ARHGAP26: variants seen among roughly 807,000 people sequenced by gnomAD.
ARHGAP26 encodes the protein rho GTPase-activating protein 26.
In ARHGAP26, 38 loss-of-function variants were observed where a neutral mutation model predicts 104.8. That is an observed-to-expected ratio of 0.36 (90% CI 0.28 to 0.48). The LOEUF (loss-of-function observed/expected upper bound fraction) is 0.48, where lower values mean the gene tolerates loss of function less well. ARHGAP26 is among the 20% of genes least tolerant of loss of function. The pLI, the probability that ARHGAP26 is intolerant of heterozygous loss-of-function variation, is 0.99. For synonymous variants in ARHGAP26, 341 were observed against 340.0 expected, an observed-to-expected ratio of 1.00 and a Z score of -0.03; for missense variants, 704 against 947.9, an observed-to-expected ratio of 0.74 and a Z score of 3.38.
intron 17 of ARHGAP26, among the ~76,000 whole-genome samples, chr5:143,097,365 A>G (rs1197240650): frequency 1.2e-4 from 17 of 147,550 alleles, no homozygotes; most frequent in Admixed American, 1.1e-3. Context: ...AAAAAGAAAA[A>G]AAAAAAAAAA....
chr5:143,179,106 C>T (rs1003095783), intron 20 of ARHGAP26, among the ~76,000 whole-genome samples: 12 of 152,124 alleles, frequency 7.9e-5, no homozygotes, highest in Non-Finnish European at 1.3e-4. Flanking sequence ...CTGACCTTAG[C>T]GATCCACCTG....
chr5:142,893,264 C>T (rs1285159700), intron 5 of ARHGAP26, among the ~76,000 whole-genome samples: 8 of 152,264 alleles, frequency 5.3e-5, no homozygotes, highest in South Asian at 2.1e-4. Context: ...GCATGAACCA[C>T]GGCACCTGAC....
intron 11 of ARHGAP26, among the ~76,000 whole-genome samples, chr5:142,991,264 T>C (rs245716): frequency 6.6e-6 from 1 of 152,158 alleles, no homozygotes; most frequent in Non-Finnish European, 1.5e-5. Flanking sequence ...CTCTGAGCCA[T>C]GTGCAGGATA....
chr5:143,206,027 C>G (rs1200551970), intron 20 of ARHGAP26, among the ~76,000 whole-genome samples: 2 of 152,172 alleles, frequency 1.3e-5, no homozygotes, highest in East Asian at 3.8e-4. Flanking sequence ...TGTTATTTGT[C>G]TATAGGTGTT....
chr5:142,812,215 A>G lies in ARHGAP26; in HGVS notation c.154+41300A>G, dbSNP rs76565435. ...GGATCTTTTTAACCCAGTTCTTTAC[A>G]GGAAAACTCACTGTAGCATGGTTGG... On this transcript the variant is annotated intron_variant, in intron 1 of 22. Transcript: ENST00000645722. Among the ~76,000 whole-genome samples the G allele has an allele frequency of 7.9e-5, 12 of 152,202 alleles. No individual in the cohort carries two copies. In the East Asian group the frequency reaches 2.3e-3, roughly 29 times the overall value.
At chr5:143,137,536 C>T (rs571633451) in intron 19 of ARHGAP26, among the ~76,000 whole-genome samples, 1 of 152,352 alleles carries the variant, frequency 6.6e-6, no homozygotes, top group African/African-American at 2.4e-5. Context: ...CCCATAGGCA[C>T]ATGCACATGC....
At chr5:143,150,019 A>T (rs1238683807) in intron 20 of ARHGAP26, among the ~76,000 whole-genome samples, 3 of 152,220 alleles carry the variant, frequency 2.0e-5, no homozygotes, top group Non-Finnish European at 2.9e-5. Context: ...TAATTCTCCA[A>T]GGACATCAGG....
chr5:142,822,689 CAATT>C (rs1399940128), intron 1 of ARHGAP26, among the ~76,000 whole-genome samples: 3 of 152,198 alleles, frequency 2.0e-5, no homozygotes, highest in South Asian at 2.1e-4. Context: ...ATTCATGTCA[CAATT>C]AAAGTCCATT....
intron 1 of ARHGAP26, among the ~76,000 whole-genome samples, chr5:142,784,063 A>G (rs1272203229): frequency 6.6e-6 from 1 of 152,204 alleles, no homozygotes; most frequent in Non-Finnish European, 1.5e-5. Context: ...TCTGCTGGCC[A>G]GGACTTGCCA....
intron 10 of ARHGAP26, among the ~76,000 whole-genome samples, chr5:142,914,289 C>G (rs1327099340): frequency 6.6e-6 from 1 of 152,228 alleles, no homozygotes; most frequent in Admixed American, 6.5e-5. Flanking sequence ...AGCGTGCCCC[C>G]TTAGCCTTTA....
At chr5:142,888,428 C>G (rs1387189241) in intron 5 of ARHGAP26, among the ~76,000 whole-genome samples, 1 of 152,200 alleles carries the variant, frequency 6.6e-6, no homozygotes, top group Non-Finnish European at 1.5e-5. Flanking sequence ...TATGAGGGAA[C>G]TGAGTTTCTC....
intron 1 of ARHGAP26, among the ~76,000 whole-genome samples, chr5:142,796,757 G>T (rs1761062033): frequency 2.0e-5 from 3 of 152,184 alleles, no homozygotes; most frequent in Admixed American, 1.3e-4. Context: ...AATCTGTTTT[G>T]ATTTTTTCTA....
rs1809968203 is a variant in ARHGAP26 at position 143,214,197 on chromosome 5, TGG to T, written c.2191+111_2191+112del. On this transcript the variant is annotated intron_variant, in intron 22 of 22. Coordinates refer to ENST00000645722, the MANE Select transcript of ARHGAP26 (RefSeq NM_001135608.3). ...CTCCCGAGGGAAAATCTCAATACAA[TGG>T]GTAAGAAAAAAAGTGTGTGTGCGTC... is the stretch of plus-strand genomic sequence containing the variant. 1.3e-5 allele frequency: 9 copies of T among 711,604 alleles called. No individual in the cohort carries two copies. The African/African-American group carries it at 1.4e-4, about 11-fold the overall frequency. 44.1% of individuals were successfully genotyped at this position (711,604 alleles called of 1,614,324 possible).
chr5:142,874,731 C>T (rs756237144), intron 2 of ARHGAP26, among the ~76,000 whole-genome samples: 9 of 152,096 alleles, frequency 5.9e-5, no homozygotes, highest in South Asian at 2.1e-4. Context: ...TGGGTTCTGA[C>T]GCAACGCCAT....
At chr5:142,864,862 G>A (rs1753982979) in intron 1 of ARHGAP26, among the ~76,000 whole-genome samples, 1 of 152,256 alleles carries the variant, frequency 6.6e-6, no homozygotes. Flanking sequence ...TGGGAAGTGA[G>A]AGACCGGGAT....
intron 1 of ARHGAP26, among the ~76,000 whole-genome samples, chr5:142,821,755 T>C (rs1045261667): frequency 6.6e-6 from 1 of 152,184 alleles, no homozygotes; most frequent in Non-Finnish European, 1.5e-5. Flanking sequence ...GCCAACTCTG[T>C]GTAGGAGGAA....
intron 7 of ARHGAP26, among the ~76,000 whole-genome samples, chr5:142,903,310 A>G (rs1431098489): frequency 6.6e-6 from 1 of 152,156 alleles, no homozygotes; most frequent in African/African-American, 2.4e-5. Context: ...GGGCATTTGC[A>G]TTTTCTATAA....
At chr5:143,126,906 A>G (rs995117000) in intron 18 of ARHGAP26, among the ~76,000 whole-genome samples, 6 of 152,218 alleles carry the variant, frequency 3.9e-5, no homozygotes, top group African/African-American at 1.4e-4. Context: ...ACCTTATCAC[A>G]CTGAGTCTTA....
chr5:142,776,361 C>T (rs1756319996), intron 1 of ARHGAP26, among the ~76,000 whole-genome samples: 1 of 152,308 alleles, frequency 6.6e-6, no homozygotes, highest in South Asian at 2.1e-4. Context: ...ACATTTTTAG[C>T]ACCCCGAAAA....
Sources: allele counts gnomAD v4.1 joint callset (sites outside exome capture counted in the v4.1 genomes callset), GRCh38; gene constraint gnomAD v4.1.1; transcripts MANE v1.5; gene names NCBI Gene and HGNC (gene_info 2026-07-23, HGNC 2026-07-21).